The following R3HDM1 variants were observed in gnomAD, a reference collection of about 807,000 sequenced individuals.
The protein encoded by R3HDM1 is R3H domain-containing protein 1.
Under a neutral mutation model 141.1 loss-of-function variants are expected in R3HDM1, and 46 were observed. That is an observed-to-expected ratio of 0.33 (90% CI 0.26 to 0.42). The LOEUF is 0.42. Ranked by LOEUF, R3HDM1 falls within the 10% of genes least tolerant of loss-of-function variation. The pLI is 1.00. For synonymous variants in R3HDM1, 435 were observed against 472.9 expected, an observed-to-expected ratio of 0.92 and a Z score of 1.04; for missense variants, 1,184 against 1,368.3, an observed-to-expected ratio of 0.87 and a Z score of 2.12.
At chr2:135,651,480 C>T (rs1331288371) in intron 17 of R3HDM1, 1 of 966,800 alleles carries the variant, frequency 1.0e-6, no homozygotes, top group Non-Finnish European at 1.2e-6. Context: ...AAATGTTGTA[C>T]CCTACTCTTT....
chr2:135,665,588 G>A (rs913437390), intron 19 of R3HDM1: 4 of 317,036 alleles, frequency 1.3e-5, no homozygotes, highest in Non-Finnish European at 2.8e-5. Flanking sequence ...TTTAAATCAT[G>A]CATCATACTC....
chr2:135,654,427 T>TTTGTTG (rs35477275), intron 18 of R3HDM1, among the ~76,000 whole-genome samples: 6,310 of 149,182 alleles, frequency 0.042, 179 homozygotes, highest in East Asian at 0.11. Context: ...AATGTTTTCT[T>TTTGTTG]TTGTTGTTGT....
chr2:135,644,173 GT>G (rs2064120708), intron 15 of R3HDM1, among the ~76,000 whole-genome samples: 1 of 152,114 alleles, frequency 6.6e-6, no homozygotes, highest in Non-Finnish European at 1.5e-5. Flanking sequence ...TAAAACAAAT[GT>G]TACTTTTTGT....
At chr2:135,532,240 G>A (rs1279143898) in intron 1 of R3HDM1, among the ~76,000 whole-genome samples, 2 of 152,338 alleles carry the variant, frequency 1.3e-5, no homozygotes, top group African/African-American at 4.8e-5. Context: ...AGCACAATGG[G>A]AATATTAAAA....
At chr2:135,540,446 A>G (rs1055314994) in intron 1 of R3HDM1, among the ~76,000 whole-genome samples, 3 of 152,236 alleles carry the variant, frequency 2.0e-5, no homozygotes, top group Admixed American at 6.5e-5. Context: ...CTTTTAAGAC[A>G]TGGAGGTGTT....
intron 15 of R3HDM1, among the ~76,000 whole-genome samples, chr2:135,642,898 T>C (rs1574626206): frequency 2.6e-5 from 4 of 152,172 alleles, no homozygotes; most frequent in Admixed American, 2.6e-4. Context: ...AATTTTTGCT[T>C]AGTAATTACC....
At chr2:135,639,455 G>C (rs1426047761) in intron 14 of R3HDM1, among the ~76,000 whole-genome samples, 1 of 152,120 alleles carries the variant, frequency 6.6e-6, no homozygotes, top group African/African-American at 2.4e-5. Context: ...GTAGTTGGTA[G>C]AAGGCATGGT....
At chr2:135,552,820 T>C (rs1228360834) in intron 1 of R3HDM1, among the ~76,000 whole-genome samples, 2 of 152,200 alleles carry the variant, frequency 1.3e-5, no homozygotes, top group African/African-American at 4.8e-5. Context: ...GACATATTTT[T>C]AAATGAAGTA....
intron 21 of R3HDM1, among the ~76,000 whole-genome samples, chr2:135,689,114 T>C (rs1218163158): frequency 6.6e-6 from 1 of 152,232 alleles, no homozygotes; most frequent in Non-Finnish European, 1.5e-5. Context: ...AGCAACATTA[T>C]TTTTTGATGC....
intron 18 of R3HDM1, among the ~76,000 whole-genome samples, chr2:135,657,496 C>G (rs183085806): frequency 2.6e-5 from 4 of 151,908 alleles, no homozygotes; most frequent in Non-Finnish European, 4.4e-5. Context: ...CCTCCAGGAA[C>G]AGTTAAGGGA....
intron 1 of R3HDM1, among the ~76,000 whole-genome samples, chr2:135,555,842 A>G (rs1233028111): frequency 6.6e-6 from 1 of 152,154 alleles, no homozygotes; most frequent in African/African-American, 2.4e-5. Context: ...CTGGGGCAAC[A>G]TAATTTCTAC....
intron 15 of R3HDM1, 147 bp downstream of exon 15, chr2:135,641,937 G>T: frequency 9.3e-7 from 1 of 1,073,226 alleles, no homozygotes; most frequent in East Asian, 2.7e-5. Flanking sequence ...AACACTTAAT[G>T]CTAGGGAAGT....
At chr2:135,696,659 T>G (rs2073296665) in intron 21 of R3HDM1, among the ~76,000 whole-genome samples, 3 of 151,932 alleles carry the variant, frequency 2.0e-5, no homozygotes, top group Admixed American at 2.0e-4. Flanking sequence ...ACCTGGCTAA[T>G]TTTTTAATTT....
chr2:135,621,110 C>T lies in R3HDM1; in HGVS notation c.304-384C>T, dbSNP rs1012463681. On this transcript the variant is annotated intron_variant, in intron 5 of 26. Coordinates refer to ENST00000683871, the MANE Select transcript of R3HDM1 (RefSeq NM_001378107.1). ...ATCATTGACTTGACACTTATACATTCGTATTGTCATGATTGATGATAATTA... is the reference window on the plus strand; with the variant it reads ...ATCATTGACTTGACACTTATACATTTGTATTGTCATGATTGATGATAATTA... 1.0e-3 allele frequency among the ~76,000 whole-genome samples: 155 copies of T among 152,076 alleles called. 1 individual carries two copies. The highest frequency in any genetic ancestry group is 3.5e-3 in the African/African-American group (147 of 41,542).
Position 135,724,300 on chromosome 2 carries a change from C to G in R3HDM1, c.*8C>G. On this transcript the variant is annotated 3_prime_UTR_variant, in exon 27 of 27. Coordinates refer to ENST00000683871, the MANE Select transcript of R3HDM1 (RefSeq NM_001378107.1). ...AGGGCAAGTTCTCAGTAACAGCCAC[C>G]TTTGGACCCTTCGCCTTTATGGTTC... 1 of 1,577,038 alleles carries G rather than the reference C, an allele frequency of 6.3e-7. No individual in the cohort carries two copies. Among genetic ancestry groups the G allele is most frequent in the Non-Finnish European group, 8.7e-7 (1 of 1,152,642 alleles).
At chr2:135,583,468 A>G (rs1439331593) in intron 1 of R3HDM1, among the ~76,000 whole-genome samples, 2 of 152,210 alleles carry the variant, frequency 1.3e-5, no homozygotes, top group African/African-American at 4.8e-5. Flanking sequence ...GCTGGTAGAA[A>G]ACATACCTTT....
chr2:135,721,259 C>A (rs1156567535), intron 24 of R3HDM1, among the ~76,000 whole-genome samples: 1 of 152,166 alleles, frequency 6.6e-6, no homozygotes, highest in Non-Finnish European at 1.5e-5. Context: ...GGAAGGATTG[C>A]TGGAGGCCAG....
chr2:135,581,539 CAT>C (rs1706808287), intron 1 of R3HDM1: 1 of 428,546 alleles, frequency 2.3e-6, no homozygotes, highest in African/African-American at 2.2e-5. Context: ...CTCTCTATGA[CAT>C]GTTAAGTTGA....
At chr2:135,659,302 G>A (rs1428769850) in intron 18 of R3HDM1, among the ~76,000 whole-genome samples, 1 of 151,836 alleles carries the variant, frequency 6.6e-6, no homozygotes, top group Non-Finnish European at 1.5e-5. Flanking sequence ...TCACCATGTC[G>A]CCCAGGCTGG....
Sources: gnomAD v4.1 joint callset for allele counts (sites outside exome capture counted in the v4.1 genomes callset) on GRCh38, gnomAD v4.1.1 for gene constraint, MANE v1.5 for transcripts, NCBI Gene and HGNC (gene_info 2026-07-23, HGNC 2026-07-21) for gene names.